Variants in NLRP9 observed in about 807,000 individuals in gnomAD.
NLRP9 encodes NLR family pyrin domain containing 9.
A neutral mutation model predicts 83.1 loss-of-function variants in NLRP9; 88 were observed. The observed-to-expected ratio is 1.06, with a 90% CI of 0.89 to 1.26. NLRP9 has a LOEUF of 1.26. NLRP9 is among the 50% of genes most tolerant of loss of function. The probability of loss-of-function intolerance (pLI) is 0.00; values close to 1 mark genes in which losing one functional copy is unlikely to be tolerated. For synonymous variants in NLRP9, 521 were observed against 447.6 expected, an observed-to-expected ratio of 1.16 and a Z score of -2.07; for missense variants, 1,308 against 1,179.3, an observed-to-expected ratio of 1.11 and a Z score of -1.60.
chr19:55,720,687 G>T (rs988482297), intron 4 of NLRP9, among the ~76,000 whole-genome samples: 2 of 152,084 alleles, frequency 1.3e-5, no homozygotes, highest in Non-Finnish European at 2.9e-5. Context: ...ATTCAGTTTT[G>T]ATAAAGAATC....
At chr19:55,727,271 G>A (rs1368873694) in intron 3 of NLRP9, among the ~76,000 whole-genome samples, 1 of 152,092 alleles carries the variant, frequency 6.6e-6, no homozygotes, top group African/African-American at 2.4e-5. Flanking sequence ...TTAAATAAAA[G>A]ATCAATTATT....
intron 4 of NLRP9, among the ~76,000 whole-genome samples, chr19:55,723,096 G>A (rs1281578358): frequency 1.3e-5 from 2 of 152,070 alleles, no homozygotes; most frequent in East Asian, 3.9e-4. Context: ...GTATACCTAT[G>A]TAACAAATCT....
intron 4 of NLRP9, 23 bp from the exon 5 acceptor site, chr19:55,716,921 G>A (rs1988041137): frequency 1.9e-6 from 3 of 1,605,004 alleles, no homozygotes; most frequent in Non-Finnish European, 2.6e-6. Context: ...CACACACCAT[G>A]AGACGGACCA....
Position 55,732,582 on chromosome 19 carries a change from T to C in NLRP9, c.1249A>G (p.Arg417Gly). 1 of 1,614,166 alleles carries C rather than the reference T, an allele frequency of 6.2e-7. No homozygotes were observed. Among genetic ancestry groups the C allele is most frequent in the Non-Finnish European group, 8.5e-7 (1 of 1,180,018 alleles). ...TFVFSHGDLR[R>G]NGLSESEGVM... ...CCCTCAGACTCAGATAACCCATTCC[T>C]CCGGAGATCCCCATGGGAAAATACA... The change falls in exon 2 of 9, where the codon AGG becomes GGG. Residue 417 changes from arginine to glycine, a missense_variant. Coordinates refer to ENST00000332836, the MANE Select transcript of NLRP9 (RefSeq NM_176820.4).
At chr19:55,714,667 G>A (rs966715709) in intron 6 of NLRP9, among the ~76,000 whole-genome samples, 10 of 152,102 alleles carry the variant, frequency 6.6e-5, no homozygotes, top group Non-Finnish European at 8.8e-5. Context: ...AGACTGAAAC[G>A]GGTCCCTTAT....
intron 1 of NLRP9, among the ~76,000 whole-genome samples, chr19:55,734,839 T>G (rs1465961894): frequency 6.6e-6 from 1 of 151,980 alleles, no homozygotes; most frequent in Non-Finnish European, 1.5e-5. Flanking sequence ...CTCACCATGT[T>G]GGTCAGGCTG....
At chr19:55,713,758 C>T (rs1377348741) in intron 6 of NLRP9, among the ~76,000 whole-genome samples, 15 of 2,064 alleles carry the variant, frequency 7.3e-3, no homozygotes, top group Admixed American at 0.014. Flanking sequence ...CCTCTTCCCC[C>T]CTCCTCCCCA....
intron 3 of NLRP9, 150 bp from the exon 4 acceptor site, chr19:55,724,294 G>T (rs1018486319): frequency 5.0e-6 from 3 of 594,168 alleles, no homozygotes; most frequent in African/African-American, 3.8e-5. Context: ...ATTATTTCTC[G>T]ATGGGGTTTT....
In NLRP9 at chr19:55,732,575, C is replaced by G; in HGVS notation, c.1256G>C (p.Gly419Ala). 1.2e-6 allele frequency: 2 copies of G among 1,614,202 alleles called. No individual in the cohort carries two copies. The highest frequency in any genetic ancestry group is 1.7e-6 in the Non-Finnish European group (2 of 1,180,044). ...CATCACGCCCTCAGACTCAGATAAC[C>G]CATTCCTCCGGAGATCCCCATGGGA... ...VFSHGDLRRN[G>A]LSESEGVMWV... The change falls in exon 2 of 9, where the codon GGG becomes GCG. Residue 419 changes from glycine (G) to alanine (A), a missense_variant. Coordinates refer to ENST00000332836, the MANE Select transcript of NLRP9 (RefSeq NM_176820.4).
chr19:55,727,661 T>C (rs1988441581), intron 3 of NLRP9, among the ~76,000 whole-genome samples: 2 of 152,188 alleles, frequency 1.3e-5, no homozygotes, highest in South Asian at 2.1e-4. Context: ...GTGGGATCTT[T>C]AGAAATTCTT....
At chr19:55,712,659 A>T in intron 6 of NLRP9, 69 bp from the exon 7 acceptor site, 1 of 1,340,302 alleles carries the variant, frequency 7.5e-7, no homozygotes, top group Non-Finnish European at 1.0e-6. Flanking sequence ...CCTTATTTTC[A>T]TTTATTCATA....
intron 4 of NLRP9, among the ~76,000 whole-genome samples, chr19:55,717,272 A>T (rs1988059049): frequency 6.6e-6 from 1 of 152,070 alleles, no homozygotes; most frequent in Non-Finnish European, 1.5e-5. Flanking sequence ...ACCTCAAGAG[A>T]TCTGCCCACC....
chr19:55,711,950 G>A lies in NLRP9; in HGVS notation c.2693C>T (p.Thr898Ile), dbSNP rs761454330. 1 of 1,613,028 alleles carries A rather than the reference G, an allele frequency of 6.2e-7. No homozygotes were observed. The highest frequency in any genetic ancestry group is 8.5e-7 in the Non-Finnish European group (1 of 1,179,908). ...ECLGLQTCPITRACCDDIAAA... is the reference protein window; with the variant it reads ...ECLGLQTCPIIRACCDDIAAA... ...GGCGATGTCGTCGCAGCAGGCACGG[G>A]TGATCGGACACGTTTGCAGCCTGCA... The change falls in exon 8 of 9, where the codon ACC (threonine) becomes ATC (isoleucine). Residue 898 changes from threonine to isoleucine, a missense_variant. By Grantham distance (89) the Thr-to-Ile change is moderately conservative. Coordinates refer to ENST00000332836, the MANE Select transcript of NLRP9 (RefSeq NM_176820.4).
In NLRP9 at chr19:55,738,185, G is replaced by C; in HGVS notation, c.190C>G (p.Pro64Ala). Residue 64 changes from proline (P) to alanine (A), a missense_variant, in exon 1 of 9, where the codon CCA (proline) becomes GCA (alanine). By Grantham distance (27) the Pro-to-Ala change is conservative. Coordinates refer to ENST00000332836, the MANE Select transcript of NLRP9 (RefSeq NM_176820.4). ...DVAKLLDKHY[P>A]GKQAWEVTLN... The stretch of plus-strand genomic sequence containing the variant: ...GTTACCTCCCATGCCTGCTTTCCTG[G>C]GTAATGTTTGTCCAGCAGCTTTGCT... 1 of 1,614,002 alleles carries C rather than the reference G, an allele frequency of 6.2e-7. No individual in the cohort carries two copies. Among genetic ancestry groups the C allele is most frequent in the Non-Finnish European group, 8.5e-7 (1 of 1,179,948 alleles).
rs918598527 is a variant in NLRP9, at chr19:55,715,877, C to T, written c.2331-652G>A. Reference sequence around the variant, plus strand: ...ATATGGCTTAACGGAATGTACTGGACGATATCCCATGTAGAATAATTTTTG... The same window carrying T: ...ATATGGCTTAACGGAATGTACTGGATGATATCCCATGTAGAATAATTTTTG... On this transcript the variant is annotated intron_variant, in intron 5 of 8. Coordinates refer to ENST00000332836, the MANE Select transcript of NLRP9 (RefSeq NM_176820.4). Among the ~76,000 whole-genome samples the T allele has an allele frequency of 5.9e-5, 9 of 152,144 alleles. 1 individual carries two copies. Among genetic ancestry groups the T allele is most frequent in the South Asian group, 4.1e-4 (2 of 4,824 alleles).
At position 55,708,883 on chromosome 19, in the gene NLRP9, G is replaced by T; in HGVS notation, c.*29C>A. ...CCCACTGTGGCCAAGGAAAGCCTTT[G>T]TGAGACGACTACTTCAGGGTGTTCC... On this transcript the variant is annotated 3_prime_UTR_variant, in exon 9 of 9. Coordinates refer to ENST00000332836, the MANE Select transcript of NLRP9 (RefSeq NM_176820.4). 8.0e-6 allele frequency: 12 copies of T among 1,495,820 alleles called. No homozygotes were observed. Among genetic ancestry groups the T allele is most frequent in the Non-Finnish European group, 1.1e-5 (12 of 1,125,842 alleles). The allele number at this position is 1,495,820 out of a possible 1,614,324, so 92.7% of individuals were successfully genotyped here.
chr19:55,732,623 A>G lies in NLRP9; in HGVS notation c.1208T>C (p.Ile403Thr), dbSNP rs1181801505. The G allele has an allele frequency of 1.9e-6, 3 of 1,614,084 alleles. No individual in the cohort carries two copies. In the Admixed American group the frequency reaches 5.0e-5, roughly 27 times the overall value. Residue 403 changes from isoleucine to threonine, a missense_variant, in exon 2 of 9, where the codon ATT becomes ACT. Coordinates refer to ENST00000332836, the MANE Select transcript of NLRP9 (RefSeq NM_176820.4). ...KSLCALAAEG[I>T]WTYTFVFSHG... Reference sequence around the variant, plus strand: ...GGAAAATACAAATGTATATGTCCAAATTCCCTCTGCAGCCAAAGCACACAG... The same window carrying G: ...GGAAAATACAAATGTATATGTCCAAGTTCCCTCTGCAGCCAAAGCACACAG...
At chr19:55,717,941 T>C (rs1988083609) in intron 4 of NLRP9, among the ~76,000 whole-genome samples, 1 of 152,234 alleles carries the variant, frequency 6.6e-6, no homozygotes. Context: ...AGATTGTTAC[T>C]GTGTCTGTGT....
At position 55,732,796 on chromosome 19, in the gene NLRP9, A is replaced by G; in HGVS notation, c.1035T>C (p.Thr345=). The part of the protein sequence containing the change: ...HNPFTCWLVC[T]CVKQRLERGE... ...CCCTCTCTAGCCTCTGTTTCACACAAGTACAGACCAACCAGCACGTAAAGG... is the reference window on the plus strand; with the variant it reads ...CCCTCTCTAGCCTCTGTTTCACACAGGTACAGACCAACCAGCACGTAAAGG... The change falls in exon 2 of 9, where the codon ACT becomes ACC. Residue 345 remains threonine (T), a synonymous_variant. Coordinates refer to ENST00000332836, the MANE Select transcript of NLRP9 (RefSeq NM_176820.4). 2 of 1,614,176 alleles carry G rather than the reference A, an allele frequency of 1.2e-6. No individual in the cohort carries two copies. Among genetic ancestry groups the G allele is most frequent in the Middle Eastern group, 1.6e-4 (1 of 6,062 alleles).
Sources: allele counts gnomAD v4.1 joint callset (sites outside exome capture counted in the v4.1 genomes callset), GRCh38; gene constraint gnomAD v4.1.1; transcripts MANE v1.5; gene names NCBI Gene and HGNC (gene_info 2026-07-23, HGNC 2026-07-21).